GNAQ: variants seen among roughly 807,000 people sequenced by gnomAD.
The protein encoded by GNAQ is guanine nucleotide-binding protein G(q) subunit alpha.
GNAQ carries 8 observed loss-of-function variants against 43.9 expected under a neutral mutation model. The ratio of observed to expected loss-of-function variants is 0.18; its 90% CI spans 0.11 to 0.33. GNAQ has a LOEUF of 0.33. Among genes scored for constraint, GNAQ ranks in the 10% least tolerant of loss-of-function variants. The pLI is 1.00. For synonymous variants in GNAQ, 155 were observed against 170.7 expected (o/e 0.91, Z 0.71); for missense variants, 158 against 450.8 (o/e 0.35, Z 5.88).
intron 2 of GNAQ, among the ~76,000 whole-genome samples, chr9:77,880,904 C>T (rs1375528825): frequency 3.3e-5 from 5 of 152,030 alleles, no homozygotes; most frequent in African/African-American, 7.2e-5. Context: ...GGACCACGAG[C>T]GAAGTAGGAA....
At chr9:77,788,715 G>A (rs1363068774) in intron 5 of GNAQ, among the ~76,000 whole-genome samples, 1 of 152,112 alleles carries the variant, frequency 6.6e-6, no homozygotes, top group Non-Finnish European at 1.5e-5. Flanking sequence ...AGAAATAGAA[G>A]TAAACAAAAC....
At chr9:78,023,285 T>C (rs930608864) in intron 1 of GNAQ, among the ~76,000 whole-genome samples, 1 of 152,192 alleles carries the variant, frequency 6.6e-6, no homozygotes, top group Non-Finnish European at 1.5e-5. Flanking sequence ...TTCCTTTGAA[T>C]GTATTAAAGC....
intron 1 of GNAQ, among the ~76,000 whole-genome samples, chr9:78,001,498 G>A (rs537460645): frequency 1.1e-4 from 16 of 151,782 alleles, no homozygotes; most frequent in Middle Eastern, 3.4e-3. Flanking sequence ...CATTTAATAA[G>A]TACAGATTCT....
At chr9:78,006,531 T>A (rs889931309) in intron 1 of GNAQ, among the ~76,000 whole-genome samples, 1 of 152,322 alleles carries the variant, frequency 6.6e-6, no homozygotes, top group African/African-American at 2.4e-5. Context: ...AAATAAATTA[T>A]CTGCAATCCC....
chr9:77,899,146 G>A (rs1828551818), intron 2 of GNAQ, among the ~76,000 whole-genome samples: 1 of 152,054 alleles, frequency 6.6e-6, no homozygotes, highest in East Asian at 1.9e-4. Context: ...GCCCAGGCTG[G>A]AGTGTTGTAG....
intron 4 of GNAQ, among the ~76,000 whole-genome samples, chr9:77,796,079 G>A (rs916417145): frequency 1.3e-5 from 2 of 152,162 alleles, no homozygotes; most frequent in Non-Finnish European, 2.9e-5. Flanking sequence ...GACTTAAAAC[G>A]TAAGTAATAT....
intron 5 of GNAQ, among the ~76,000 whole-genome samples, chr9:77,762,363 C>A (rs1296628107): frequency 7.0e-6 from 1 of 142,404 alleles, no homozygotes; most frequent in African/African-American, 2.7e-5. Flanking sequence ...TCTGCCCGGC[C>A]GCCCCTACTG....
intron 5 of GNAQ, among the ~76,000 whole-genome samples, chr9:77,762,045 C>T (rs1278495641): frequency 9.6e-5 from 12 of 124,794 alleles, no homozygotes; most frequent in African/African-American, 1.2e-4. Flanking sequence ...CCCCTCTGCC[C>T]GGCCAGCCGC....
chr9:77,898,207 T>C (rs915613161), intron 2 of GNAQ, among the ~76,000 whole-genome samples: 3 of 152,210 alleles, frequency 2.0e-5, no homozygotes, highest in African/African-American at 7.2e-5. Flanking sequence ...GCATTACTGT[T>C]ACTTAATGCT....
chr9:77,953,846 G>A (rs1002507088), intron 1 of GNAQ, among the ~76,000 whole-genome samples: 6 of 152,166 alleles, frequency 3.9e-5, no homozygotes, highest in Admixed American at 6.5e-5. Context: ...CTGCACAGGT[G>A]ACTGACCCAG....
chr9:77,881,299 C>A (rs939253155), intron 2 of GNAQ, among the ~76,000 whole-genome samples: 1 of 152,228 alleles, frequency 6.6e-6, no homozygotes, highest in Non-Finnish European at 1.5e-5. Context: ...ACTGACGTAT[C>A]CCAAGCACCC....
chr9:77,739,108 T>C (rs1374225897), intron 5 of GNAQ, among the ~76,000 whole-genome samples: 4 of 152,122 alleles, frequency 2.6e-5, no homozygotes, highest in African/African-American at 7.2e-5. Flanking sequence ...AACAAACTTA[T>C]TCATCTCGTA....
intron 3 of GNAQ, among the ~76,000 whole-genome samples, chr9:77,804,843 A>G (rs1826801667): frequency 6.6e-6 from 1 of 152,120 alleles, no homozygotes; most frequent in African/African-American, 2.4e-5. Context: ...CACATTTTTA[A>G]TTATTGAAAA....
chr9:77,794,532 A>G lies in GNAQ; in HGVS notation c.666T>C (p.Asn222=), dbSNP rs761485273. The G allele has an allele frequency of 2.5e-6, 4 of 1,606,798 alleles. No homozygotes were observed. In the African/African-American group the frequency reaches 5.4e-5, roughly 21 times the overall value. ...CTACTAGAAACATGATAGAGGTGAC[A>G]TTTTCAAAGCAGTGTATCCATTTTC... is the stretch of plus-strand genomic sequence containing the variant. The part of the protein sequence containing the change: ...ERRKWIHCFE[N]VTSIMFLVAL... Residue 222 remains asparagine (N), a synonymous_variant, in exon 5 of 7, where the codon AAT becomes AAC. Coordinates refer to ENST00000286548, the MANE Select transcript of GNAQ (RefSeq NM_002072.5).
chr9:77,824,742 C>T (rs1009901143), intron 2 of GNAQ, among the ~76,000 whole-genome samples: 6 of 151,610 alleles, frequency 4.0e-5, no homozygotes, highest in Non-Finnish European at 7.4e-5. Flanking sequence ...TCAGCATGAA[C>T]TTCTAAAAGC....
At chr9:77,881,514 G>T (rs1158818739) in intron 2 of GNAQ, among the ~76,000 whole-genome samples, 5 of 152,160 alleles carry the variant, frequency 3.3e-5, no homozygotes, top group Non-Finnish European at 5.9e-5. Flanking sequence ...GAGTAGCTGG[G>T]ACTACAGGCA....
At chr9:77,771,803 G>A (rs1277825452) in intron 5 of GNAQ, among the ~76,000 whole-genome samples, 1 of 152,110 alleles carries the variant, frequency 6.6e-6, no homozygotes, top group African/African-American at 2.4e-5. Flanking sequence ...TACAAATTGA[G>A]CTGAATTTAT....
intron 5 of GNAQ, among the ~76,000 whole-genome samples, chr9:77,750,471 A>G (rs964450889): frequency 3.3e-5 from 5 of 152,212 alleles, no homozygotes; most frequent in Non-Finnish European, 7.3e-5. Context: ...TGATCATGTT[A>G]TCATCATTAT....
chr9:77,966,275 A>G (rs1487171949), intron 1 of GNAQ, among the ~76,000 whole-genome samples: 3 of 152,220 alleles, frequency 2.0e-5, no homozygotes, highest in Admixed American at 6.5e-5. Context: ...TGTAAGTGAC[A>G]AAACATCAAA....
Sources: gnomAD v4.1 joint callset for allele counts (sites outside exome capture counted in the v4.1 genomes callset) on GRCh38, gnomAD v4.1.1 for gene constraint, MANE v1.5 for transcripts, NCBI Gene and HGNC (gene_info 2026-07-23, HGNC 2026-07-21) for gene names.